FHIT: variants seen among roughly 807,000 people sequenced by gnomAD.
The protein encoded by FHIT is fragile histidine triad diadenosine triphosphatase, also known as bis(5'-adenosyl)-triphosphatase.
In FHIT, 19 loss-of-function variants were observed where a neutral mutation model predicts 17.9. The observed-to-expected ratio is 1.06, with a 90% CI of 0.74 to 1.56. The LOEUF (loss-of-function observed/expected upper bound fraction) is 1.56. Ranked by LOEUF, FHIT falls within the 40% of genes most tolerant of loss-of-function variation. The pLI, the probability that FHIT is intolerant of heterozygous loss-of-function variation, is 0.00. For missense variants in FHIT, 248 were observed against 189.2 expected, an observed-to-expected ratio of 1.31 and a Z score of -1.82; for synonymous variants, 81 against 69.7, an observed-to-expected ratio of 1.16 and a Z score of -0.81.
chr3:59,824,786 A>G (rs917141339), intron 8 of FHIT, among the ~76,000 whole-genome samples: 2 of 152,144 alleles, frequency 1.3e-5, no homozygotes, highest in African/African-American at 4.8e-5. Context: ...TAAATGTCCA[A>G]TACTGGTTTC....
At chr3:59,915,527 C>T (rs1705092471) in intron 8 of FHIT, among the ~76,000 whole-genome samples, 1 of 152,158 alleles carries the variant, frequency 6.6e-6, no homozygotes, top group Non-Finnish European at 1.5e-5. Context: ...CACTCTTCAG[C>T]CTTCTTTCAT....
At chr3:60,739,870 A>G (rs12493219) in intron 4 of FHIT, among the ~76,000 whole-genome samples, 8,933 of 152,292 alleles carry the variant, frequency 0.059, 338 homozygotes, top group Admixed American at 0.084. Flanking sequence ...CAAAAATTTT[A>G]CTGAGCACCT....
intron 1 of FHIT, among the ~76,000 whole-genome samples, chr3:61,250,211 G>A (rs1376097495): frequency 2.0e-5 from 3 of 152,204 alleles, no homozygotes; most frequent in Non-Finnish European, 2.9e-5. Context: ...GAAACAAGAG[G>A]CGGGACTGCA....
chr3:60,709,305 G>C (rs1311898541), intron 4 of FHIT, among the ~76,000 whole-genome samples: 9 of 152,182 alleles, frequency 5.9e-5, no homozygotes, highest in Non-Finnish European at 1.0e-4. Flanking sequence ...TAGAAGACAG[G>C]TGGATTCTCC....
At chr3:59,942,505 G>C (rs1706575460) in intron 7 of FHIT, among the ~76,000 whole-genome samples, 2 of 152,144 alleles carry the variant, frequency 1.3e-5, no homozygotes, top group Non-Finnish European at 1.5e-5. Flanking sequence ...ACAGAACAAA[G>C]GCTTTGCATT....
intron 5 of FHIT, among the ~76,000 whole-genome samples, chr3:60,078,373 T>C (rs1703125456): frequency 6.6e-6 from 1 of 152,094 alleles, no homozygotes; most frequent in Non-Finnish European, 1.5e-5. Context: ...TTCTGGCCAA[T>C]ATGCAAAATC....
chr3:60,146,264 CA>C (rs1700236229), intron 5 of FHIT, among the ~76,000 whole-genome samples: 3 of 145,026 alleles, frequency 2.1e-5, no homozygotes, highest in Non-Finnish European at 3.0e-5. Context: ...AAAAAAAGGG[CA>C]GGGGGTAGGA....
At position 60,389,353 on chromosome 3, in the gene FHIT, T is replaced by G. The variant is rs543256273; in HGVS notation, c.103+147507A>C. On this transcript the variant is annotated intron_variant, in intron 5 of 9. Coordinates refer to ENST00000492590, the MANE Select transcript of FHIT (RefSeq NM_002012.4). ...TTTAGGTAACGGTGCCTTTGAACAC[T>G]AACTTTCAGAAATAGAAGATAGAAA... Among the ~76,000 whole-genome samples, 8 of 152,290 alleles carry G rather than the reference T, an allele frequency of 5.3e-5. No homozygotes were observed. The East Asian group carries it at 1.5e-3, about 29-fold the overall frequency.
chr3:60,340,252 T>G (rs570358606), intron 5 of FHIT, among the ~76,000 whole-genome samples: 1 of 152,286 alleles, frequency 6.6e-6, no homozygotes, highest in South Asian at 2.1e-4. Flanking sequence ...CATCTGCAAA[T>G]GAAGTTGAAG....
intron 4 of FHIT, among the ~76,000 whole-genome samples, chr3:60,751,370 T>C (rs2042463058): frequency 6.6e-6 from 1 of 152,234 alleles, no homozygotes; most frequent in Non-Finnish European, 1.5e-5. Flanking sequence ...CAAATATTTT[T>C]TTTACAAGAT....
chr3:60,791,296 G>A (rs1304010619), intron 4 of FHIT, among the ~76,000 whole-genome samples: 9 of 151,956 alleles, frequency 5.9e-5, no homozygotes, highest in African/African-American at 2.2e-4. Flanking sequence ...AATCACCAAT[G>A]TATGCTCAAT....
chr3:59,879,152 T>C (rs1393296429), intron 8 of FHIT, among the ~76,000 whole-genome samples: 2 of 152,306 alleles, frequency 1.3e-5, no homozygotes, highest in East Asian at 3.9e-4. Context: ...ACTGATTACA[T>C]CACACAGAAA....
chr3:60,182,012 T>C (rs547993532), intron 5 of FHIT, among the ~76,000 whole-genome samples: 94 of 152,298 alleles, frequency 6.2e-4, no homozygotes, highest in Middle Eastern at 6.8e-3. Context: ...CTTTTAATTA[T>C]ATGCTAAGTA....
intron 3 of FHIT, among the ~76,000 whole-genome samples, chr3:60,979,710 A>G (rs1430526183): frequency 6.6e-6 from 1 of 152,194 alleles, no homozygotes; most frequent in African/African-American, 2.4e-5. Context: ...CCAACTCATG[A>G]CAAGAATCAT....
At chr3:60,295,450 G>A (rs891653088) in intron 5 of FHIT, among the ~76,000 whole-genome samples, 1 of 152,042 alleles carries the variant, frequency 6.6e-6, no homozygotes. Context: ...CATACATGGC[G>A]AGACAGGAAG....
chr3:60,213,318 C>T (rs886157165), intron 5 of FHIT, among the ~76,000 whole-genome samples: 7 of 152,144 alleles, frequency 4.6e-5, no homozygotes, highest in African/African-American at 1.2e-4. Context: ...CATGAGCAGA[C>T]TCTGAAATCC....
chr3:61,100,242 GATGTT>G (rs2035775108), intron 2 of FHIT, among the ~76,000 whole-genome samples: 2 of 152,102 alleles, frequency 1.3e-5, no homozygotes, highest in African/African-American at 2.4e-5. Flanking sequence ...CCCAGTGTGT[GATGTT>G]CCCTGCCCTG....
intron 5 of FHIT, among the ~76,000 whole-genome samples, chr3:60,068,955 G>A (rs1319586910): frequency 6.6e-6 from 1 of 152,110 alleles, no homozygotes; most frequent in Admixed American, 6.6e-5. Context: ...ATACAGAAGT[G>A]GTTATATAAA....
Position 60,490,890 on chromosome 3 carries a change from A to G in FHIT, c.103+45970T>C, listed in dbSNP as rs141223890. 1.9e-3 allele frequency among the ~76,000 whole-genome samples: 297 copies of G among 152,308 alleles called. 1 individual carries two copies. The highest frequency in any genetic ancestry group is 6.9e-3 in the African/African-American group (287 of 41,572). On this transcript the variant is annotated intron_variant, in intron 5 of 9. Coordinates refer to ENST00000492590, the MANE Select transcript of FHIT (RefSeq NM_002012.4). ...AAGATGTTAAGTAACTTGCACAGGTAGCCAATTTGGGCCCCTAACTAAGGC... is the reference window on the plus strand; with the variant it reads ...AAGATGTTAAGTAACTTGCACAGGTGGCCAATTTGGGCCCCTAACTAAGGC...
Sources: gnomAD v4.1 joint callset for allele counts (sites outside exome capture counted in the v4.1 genomes callset) on GRCh38, gnomAD v4.1.1 for gene constraint, MANE v1.5 for transcripts, NCBI Gene and HGNC (gene_info 2026-07-23, HGNC 2026-07-21) for gene names.